The following SORCS1 variants were observed in gnomAD, a reference collection of about 807,000 sequenced individuals.
SORCS1 encodes the protein VPS10 domain-containing receptor SorCS1.
Under a neutral mutation model 146.1 loss-of-function variants are expected in SORCS1, and 60 were observed. The observed-to-expected ratio is 0.41, with a 90% CI of 0.33 to 0.51. The LOEUF (loss-of-function observed/expected upper bound fraction) is 0.51, where lower values mean the gene tolerates loss of function less well. Ranked by LOEUF, SORCS1 falls within the 20% of genes least tolerant of loss-of-function variation. The pLI, the probability that SORCS1 is intolerant of heterozygous loss-of-function variation, is 0.21. For missense variants in SORCS1, 1,352 were observed against 1,487.6 expected (o/e 0.91, Z 1.50); for synonymous variants, 637 against 584.0 (o/e 1.09, Z -1.31).
chr10:107,139,092 GTT>G (rs1476961559), intron 1 of SORCS1, among the ~76,000 whole-genome samples: 1 of 152,138 alleles, frequency 6.6e-6, no homozygotes, highest in African/African-American at 2.4e-5. Context: ...TGATGTGCTT[GTT>G]TACAGATTAA....
intron 2 of SORCS1, among the ~76,000 whole-genome samples, chr10:106,929,517 G>A (rs1006629263): frequency 7.9e-5 from 12 of 151,958 alleles, no homozygotes; most frequent in African/African-American, 1.9e-4. Context: ...TTCTTTTTCC[G>A]TCTCTAACAA....
At chr10:107,020,577 G>A (rs976217) in intron 1 of SORCS1, among the ~76,000 whole-genome samples, 40,995 of 152,108 alleles carry the variant, frequency 0.27, 6,563 homozygotes, top group Admixed American at 0.37. Flanking sequence ...GCCTCAAAAG[G>A]TGCTTTCAGG....
intron 3 of SORCS1, among the ~76,000 whole-genome samples, chr10:106,828,565 A>G (rs1444721715): frequency 6.6e-6 from 1 of 152,236 alleles, no homozygotes; most frequent in African/African-American, 2.4e-5. Flanking sequence ...AGATGAGAAC[A>G]TAGACATCAG....
intron 1 of SORCS1, among the ~76,000 whole-genome samples, chr10:106,976,480 C>T (rs574659486): frequency 2.0e-5 from 3 of 151,786 alleles, no homozygotes; most frequent in African/African-American, 4.8e-5. Context: ...TACAGAAGCC[C>T]GCCACCACAC....
intron 10 of SORCS1, among the ~76,000 whole-genome samples, chr10:106,682,406 T>C (rs1852507824): frequency 6.6e-6 from 1 of 152,142 alleles, no homozygotes; most frequent in Non-Finnish European, 1.5e-5. Context: ...TTCTGTGGCT[T>C]TTTTCTTTCA....
intron 2 of SORCS1, among the ~76,000 whole-genome samples, chr10:106,857,319 T>C (rs907963804): frequency 1.6e-4 from 25 of 152,158 alleles, no homozygotes; most frequent in African/African-American, 6.0e-4. Flanking sequence ...GAAGATGCCT[T>C]ATTTCAGAAA....
chr10:106,700,044 C>T (rs1854019014), intron 8 of SORCS1, among the ~76,000 whole-genome samples: 1 of 152,200 alleles, frequency 6.6e-6, no homozygotes, highest in Admixed American at 6.5e-5. Context: ...AGTACTAACC[C>T]TCATGTTAGT....
In SORCS1 at chr10:106,609,102, T is replaced by C. The variant is rs77612234; in HGVS notation, c.3034-1805A>G. ...TGGTGGCTGTAGGAAGATTAGACAG[T>C]GGCTCAAGGCCATCTAGGAAGTGAC... On this transcript the variant is annotated intron_variant, in intron 22 of 25. Transcript: ENST00000263054. Among the ~76,000 whole-genome samples, 160 of 152,332 alleles carry C rather than the reference T, an allele frequency of 1.1e-3. 1 individual carries two copies. The East Asian group carries it at 0.026, about 25-fold the overall frequency.
At chr10:106,665,003 AC>A (rs1851024067) in intron 17 of SORCS1, among the ~76,000 whole-genome samples, 1 of 151,874 alleles carries the variant, frequency 6.6e-6, no homozygotes, top group South Asian at 2.1e-4. Context: ...GACCTCACTG[AC>A]CCATTGCTAT....
chr10:107,081,361 T>C (rs914734051), intron 1 of SORCS1, among the ~76,000 whole-genome samples: 6 of 152,206 alleles, frequency 3.9e-5, no homozygotes, highest in Admixed American at 1.3e-4. Flanking sequence ...TTCATTCAAA[T>C]AGAGGAAAGT....
chr10:106,670,105 T>A (rs1473246047), intron 16 of SORCS1, among the ~76,000 whole-genome samples: 1 of 152,234 alleles, frequency 6.6e-6, no homozygotes, highest in Non-Finnish European at 1.5e-5. Context: ...GATTGTGTTT[T>A]CTAAATTAAA....
intron 5 of SORCS1, among the ~76,000 whole-genome samples, chr10:106,735,929 G>C (rs990788203): frequency 6.6e-6 from 1 of 152,146 alleles, no homozygotes; most frequent in South Asian, 2.1e-4. Context: ...ATGAAAACAA[G>C]ACAAAGCCCA....
chr10:106,742,153 A>G (rs1373196234), intron 5 of SORCS1, among the ~76,000 whole-genome samples: 1 of 152,192 alleles, frequency 6.6e-6, no homozygotes, highest in Admixed American at 6.5e-5. Context: ...TCTTCATTGG[A>G]GAGGCAATTC....
intron 3 of SORCS1, among the ~76,000 whole-genome samples, chr10:106,808,030 T>G (rs1947272864): frequency 1.3e-5 from 2 of 152,202 alleles, no homozygotes; most frequent in African/African-American, 4.8e-5. Flanking sequence ...TTATTTATTT[T>G]TATTTTTTTG....
intron 2 of SORCS1, among the ~76,000 whole-genome samples, chr10:106,956,135 A>G (rs1954928064): frequency 6.6e-6 from 1 of 152,128 alleles, no homozygotes; most frequent in East Asian, 1.9e-4. Context: ...GTCTCAAAAA[A>G]AAAAAAAAAG....
intron 1 of SORCS1, among the ~76,000 whole-genome samples, chr10:106,968,166 C>T (rs952692084): frequency 2.0e-5 from 3 of 151,790 alleles, no homozygotes; most frequent in Non-Finnish European, 2.9e-5. Flanking sequence ...GCCGAGATCG[C>T]GCCACTGCAC....
At chr10:106,709,108 C>T in intron 7 of SORCS1, 115 bp downstream of exon 7, 1 of 732,634 alleles carries the variant, frequency 1.4e-6, no homozygotes, top group East Asian at 2.6e-5. Flanking sequence ...CTACCTCCTT[C>T]CCTCCCTCCC....
intron 24 of SORCS1, among the ~76,000 whole-genome samples, chr10:106,579,989 C>A (rs572685541): frequency 1.3e-4 from 20 of 151,904 alleles, no homozygotes; most frequent in African/African-American, 4.8e-4. Context: ...TGAGTGTAAG[C>A]TTTTTCCACA....
intron 16 of SORCS1, 128 bp from the exon 17 acceptor site, chr10:106,667,930 A>G (rs902324918): frequency 4.1e-4 from 258 of 622,500 alleles, no homozygotes; most frequent in Non-Finnish European, 6.4e-4. Context: ...AAAACAAAAA[A>G]AAAAAACACA....
Sources: allele counts gnomAD v4.1 joint callset (sites outside exome capture counted in the v4.1 genomes callset), GRCh38; gene constraint gnomAD v4.1.1; transcripts MANE v1.5; gene names NCBI Gene and HGNC (gene_info 2026-07-23, HGNC 2026-07-21).